RGS7: variants seen among roughly 807,000 people sequenced by gnomAD.
RGS7 encodes the protein regulator of G-protein signaling 7.
In RGS7, 27 loss-of-function variants were observed where a neutral mutation model predicts 81.1. The observed-to-expected ratio is 0.33, with a 90% CI of 0.25 to 0.46. RGS7 has a LOEUF of 0.46. Among genes scored for constraint, RGS7 ranks in the 20% least tolerant of loss-of-function variants. The probability of loss-of-function intolerance (pLI) is 1.00; values close to 1 mark genes in which losing one functional copy is unlikely to be tolerated. For synonymous variants in RGS7, 208 were observed against 207.7 expected (o/e 1.00, Z -0.01); for missense variants, 396 against 607.4 (o/e 0.65, Z 3.66).
chr1:241,306,122 TC>T (rs2080099620), intron 2 of RGS7, among the ~76,000 whole-genome samples: 1 of 104,902 alleles, frequency 9.5e-6, no homozygotes, highest in Non-Finnish European at 2.0e-5. Flanking sequence ...TTCTCTCATC[TC>T]TTTTTCACAC....
chr1:240,809,504 G>A (rs1689471762), intron 14 of RGS7, among the ~76,000 whole-genome samples: 1 of 152,158 alleles, frequency 6.6e-6, no homozygotes, highest in African/African-American at 2.4e-5. Flanking sequence ...CAGATTTGGG[G>A]AGCAGTGGAC....
intron 18 of RGS7, among the ~76,000 whole-genome samples, chr1:240,793,299 C>A (rs570016650): frequency 6.6e-6 from 1 of 152,198 alleles, no homozygotes; most frequent in South Asian, 2.1e-4. Flanking sequence ...AATTAGGCTA[C>A]AAGGTCTGAT....
In RGS7 at chr1:240,994,598, A is replaced by G. The variant is rs1686991071; in HGVS notation, c.176-11469T>C. On this transcript the variant is annotated intron_variant, in intron 3 of 18. Coordinates refer to ENST00000440928, the MANE Select transcript of RGS7 (RefSeq NM_001364886.1). ...ATTTTGGGATTTAACAGGTAAATAT[A>G]ATACCATCTGCAAAGAGGGGAAGCT... Among the ~76,000 whole-genome samples, 8 of 152,228 alleles carry G rather than the reference A, an allele frequency of 5.3e-5. No homozygotes were observed. In the South Asian group the frequency reaches 1.7e-3, roughly 32 times the overall value.
chr1:240,844,255 T>C (rs531763351), intron 9 of RGS7, among the ~76,000 whole-genome samples: 35 of 152,194 alleles, frequency 2.3e-4, no homozygotes, highest in African/African-American at 8.2e-4. Context: ...GGCTTCTCAA[T>C]AGAGTATCAG....
At chr1:240,866,505 C>T (rs547737278) in intron 9 of RGS7, among the ~76,000 whole-genome samples, 261 of 140,186 alleles carry the variant, frequency 1.9e-3, no homozygotes, top group African/African-American at 6.5e-3. Flanking sequence ...AGCGAGACTC[C>T]GTCTCAAAAA....
At position 241,118,956 on chromosome 1, in the gene RGS7, C is replaced by T. The variant is rs569981610; in HGVS notation, c.79-20194G>A. Among the ~76,000 whole-genome samples, 11 of 152,218 alleles carry T rather than the reference C, an allele frequency of 7.2e-5. No homozygotes were observed. The South Asian group carries it at 1.5e-3, about 20-fold the overall frequency. ...AATACAATAATCACTCTTTGAGCCACGGGTATACTAGAAGCCTACTTTCAT... is the reference window on the plus strand; with the variant it reads ...AATACAATAATCACTCTTTGAGCCATGGGTATACTAGAAGCCTACTTTCAT... On this transcript the variant is annotated intron_variant, in intron 2 of 18. Transcript: ENST00000440928.
chr1:241,202,014 A>G (rs1343458863), intron 2 of RGS7, among the ~76,000 whole-genome samples: 29 of 73,554 alleles, frequency 3.9e-4, no homozygotes, highest in African/African-American at 6.0e-4. Flanking sequence ...ACACACAGAC[A>G]CACACACACA....
chr1:240,957,080 A>G (rs1426014844), intron 4 of RGS7, among the ~76,000 whole-genome samples: 1 of 152,030 alleles, frequency 6.6e-6, no homozygotes, highest in Non-Finnish European at 1.5e-5. Context: ...GCCAGAGGAG[A>G]TTAACATTTG....
intron 6 of RGS7, among the ~76,000 whole-genome samples, chr1:240,914,424 G>A (rs1441515538): frequency 6.6e-6 from 1 of 152,014 alleles, no homozygotes; most frequent in Non-Finnish European, 1.5e-5. Context: ...AACCAAGGTG[G>A]AAAATAATTA....
intron 4 of RGS7, among the ~76,000 whole-genome samples, chr1:240,978,064 A>G (rs1160752423): frequency 1.3e-5 from 2 of 152,214 alleles, no homozygotes; most frequent in Admixed American, 1.3e-4. Context: ...TAGTCTGTCA[A>G]AAAGCTAACT....
chr1:241,099,074 T>C (rs774919583), intron 2 of RGS7, among the ~76,000 whole-genome samples: 1 of 152,182 alleles, frequency 6.6e-6, no homozygotes, highest in Non-Finnish European at 1.5e-5. Context: ...TTCACAAGGT[T>C]TTAGAAACCA....
chr1:241,218,812 T>TA (rs942403570), intron 2 of RGS7, among the ~76,000 whole-genome samples: 1 of 146,228 alleles, frequency 6.8e-6, no homozygotes, highest in African/African-American at 2.6e-5. Context: ...ACCTGGCTAA[T>TA]TTTTTTTTTG....
At chr1:240,787,523 G>A (rs910399798) in intron 18 of RGS7, among the ~76,000 whole-genome samples, 2 of 152,148 alleles carry the variant, frequency 1.3e-5, no homozygotes, top group Non-Finnish European at 2.9e-5. Context: ...TTCAAAGTGT[G>A]CTATTAGGGC....
At position 241,098,659 on chromosome 1, in the gene RGS7, G is replaced by C; in HGVS notation, c.175+7C>G. On this transcript the variant is annotated splice_region_variant and intron_variant, in intron 3 of 18. Coordinates refer to ENST00000440928, the MANE Select transcript of RGS7 (RefSeq NM_001364886.1). ...AGAAAACAGAACTGTGCTCCATGCA[G>C]ACTTACCAGAGAAGACGCTAGGTAT... 6.3e-7 allele frequency: 1 copy of C among 1,594,692 alleles called. No individual in the cohort carries two copies. Among genetic ancestry groups the C allele is most frequent in the Non-Finnish European group, 8.6e-7 (1 of 1,162,534 alleles).
chr1:241,243,651 G>C (rs2076372766), intron 2 of RGS7, among the ~76,000 whole-genome samples: 1 of 152,122 alleles, frequency 6.6e-6, no homozygotes, highest in Non-Finnish European at 1.5e-5. Flanking sequence ...AACAAAATAG[G>C]GTACAGAGGG....
At chr1:241,112,402 T>C (rs1389558126) in intron 2 of RGS7, among the ~76,000 whole-genome samples, 1 of 152,110 alleles carries the variant, frequency 6.6e-6, no homozygotes. Context: ...GCTGGCTTAG[T>C]CCATGAAACA....
chr1:241,235,934 AAGAC>A (rs1050293864), intron 2 of RGS7, among the ~76,000 whole-genome samples: 4 of 80,526 alleles, frequency 5.0e-5, no homozygotes, highest in Admixed American at 1.2e-4. Context: ...GAGAGAGAGA[AAGAC>A]AGACAGAGAC....
chr1:240,814,699 C>T lies in RGS7; in HGVS notation c.845+17G>A, dbSNP rs750143599. 6.0e-6 allele frequency: 9 copies of T among 1,493,982 alleles called. No individual in the cohort carries two copies. The highest frequency in any genetic ancestry group is 8.4e-6 in the Non-Finnish European group (9 of 1,071,510). 92.5% of individuals were successfully genotyped at this position (1,493,982 alleles called of 1,614,324 possible). On this transcript the variant is annotated intron_variant, in intron 12 of 18. Coordinates refer to ENST00000440928, the MANE Select transcript of RGS7 (RefSeq NM_001364886.1). ...TATGAAATTTTAAAATTTATACAGA[C>T]ACTTTGAAATACTCACCTGTCAGCG...
intron 2 of RGS7, among the ~76,000 whole-genome samples, chr1:241,352,879 C>A: frequency 6.6e-6 from 1 of 152,174 alleles, no homozygotes; most frequent in East Asian, 1.9e-4. Flanking sequence ...CTTTGGAAAC[C>A]AATAGCCTAT....
Sources: gnomAD v4.1 joint callset for allele counts (sites outside exome capture counted in the v4.1 genomes callset) on GRCh38, gnomAD v4.1.1 for gene constraint, MANE v1.5 for transcripts, NCBI Gene and HGNC (gene_info 2026-07-23, HGNC 2026-07-21) for gene names.